WDR26: variants seen among roughly 807,000 people sequenced by gnomAD.
WDR26 encodes WD repeat domain 26.
WDR26 carries 5 observed loss-of-function variants against 84.1 expected under a neutral mutation model. That is an observed-to-expected ratio of 0.06 (90% CI 0.03 to 0.13). WDR26 has a LOEUF of 0.13. WDR26 is among the 10% of genes least tolerant of loss of function. WDR26 has a pLI of 1.00. For synonymous variants in WDR26, 415 were observed against 389.6 expected, an observed-to-expected ratio of 1.07 and a Z score of -0.77; for missense variants, 642 against 974.9, an observed-to-expected ratio of 0.66 and a Z score of 4.55.
Position 224,431,569 on chromosome 1 carries a change from G to A in WDR26, c.835C>T (p.Leu279=). 1 of 1,613,592 alleles carries A rather than the reference G, an allele frequency of 6.2e-7. No individual in the cohort carries two copies. The highest frequency in any genetic ancestry group is 8.5e-7 in the Non-Finnish European group (1 of 1,179,660). The stretch of plus-strand genomic sequence containing the variant: ...TGCACTAAAGGCTTTAGTTCATTCA[G>A]GTCATTTTCTGCCTGTAAAAATTGG... Residue 279 remains leucine (L), a synonymous_variant, in exon 3 of 14, where the codon CTG becomes TTG. Coordinates refer to ENST00000414423, the MANE Select transcript of WDR26 (RefSeq NM_001379403.1).
At chr1:224,401,671 C>CAAAAAAAAAAAAAAAAA (rs767368281) in intron 8 of WDR26, among the ~76,000 whole-genome samples, 69 of 49,624 alleles carry the variant, frequency 1.4e-3, no homozygotes, top group East Asian at 3.2e-3. Flanking sequence ...GAGACTGTCT[C>CAAAAAAAAAAAAAAAAA]AAAAAAAAAA....
At position 224,425,149 on chromosome 1, in the gene WDR26, G is replaced by A. The variant is rs532330272; in HGVS notation, c.928-495C>T. Among the ~76,000 whole-genome samples, 3 of 152,336 alleles carry A rather than the reference G, an allele frequency of 2.0e-5. No homozygotes were observed. The South Asian group carries it at 6.2e-4, about 32-fold the overall frequency. On this transcript the variant is annotated intron_variant, in intron 3 of 13. Transcript: ENST00000414423. ...GAGGGAATAAGTAGACCAGAAATCA[G>A]AACTAGACACACTCAGGAGAAGGAG... is the stretch of plus-strand genomic sequence containing the variant.
chr1:224,416,807 T>C (rs1344890179), intron 6 of WDR26, among the ~76,000 whole-genome samples: 1 of 152,240 alleles, frequency 6.6e-6, no homozygotes, highest in Non-Finnish European at 1.5e-5. Context: ...TTTAACACTG[T>C]TCTCAAATCT....
chr1:224,410,170 A>G (rs1031147605), intron 7 of WDR26, among the ~76,000 whole-genome samples: 7 of 150,534 alleles, frequency 4.7e-5, no homozygotes, highest in African/African-American at 1.7e-4. Context: ...AATCCCAGCT[A>G]CTCGGGAGGC....
chr1:224,391,325 T>G (rs1031411541), intron 13 of WDR26, among the ~76,000 whole-genome samples: 1 of 138,876 alleles, frequency 7.2e-6, no homozygotes, highest in African/African-American at 2.8e-5. Flanking sequence ...ATTGCGCCAT[T>G]GCACTCCAGC....
At position 224,434,335 on chromosome 1, in the gene WDR26, G is replaced by C. The variant is rs1386931794; in HGVS notation, c.71C>G (p.Ser24Cys). The change falls in exon 1 of 14, where the codon TCC becomes TGC. Residue 24 changes from serine to cysteine, a missense_variant. Transcript: ENST00000414423. ...TCGGGGTTTCTTCCGCGGGGGCGGG[G>C]AGGCTCCGCCGGTGTCCGAGTCGGA... The C allele has an allele frequency of 8.1e-7, 1 of 1,231,462 alleles. No individual in the cohort carries two copies. The highest frequency in any genetic ancestry group is 1.0e-6 in the Non-Finnish European group (1 of 988,006). The allele number at this position is 1,231,462 out of a possible 1,614,324, so 76.3% of individuals were successfully genotyped here.
chr1:224,434,277 C>T lies in WDR26; in HGVS notation c.129G>A (p.Gly43=). The change falls in exon 1 of 14, where the codon GGG becomes GGA. Residue 43 remains glycine, a synonymous_variant. Transcript: ENST00000414423. Reference sequence around the variant, plus strand: ...AGAGGCCTGCTCTGCCTGCCGAAGCCCCGGGCTCTCCTACTCCCTCCGCCG... The same window carrying T: ...AGAGGCCTGCTCTGCCTGCCGAAGCTCCGGGCTCTCCTACTCCCTCCGCCG... 7.8e-7 allele frequency: 1 copy of T among 1,278,224 alleles called. No homozygotes were observed. Among genetic ancestry groups the T allele is most frequent in the Non-Finnish European group, 9.9e-7 (1 of 1,013,806 alleles). 79.2% of individuals were successfully genotyped at this position (1,278,224 alleles called of 1,614,324 possible).
At chr1:224,427,911 C>A (rs1674273944) in intron 3 of WDR26, among the ~76,000 whole-genome samples, 1 of 151,992 alleles carries the variant, frequency 6.6e-6, no homozygotes, top group South Asian at 2.1e-4. Flanking sequence ...GAGATGGGGA[C>A]AGGGCTCTAC....
chr1:224,399,321 T>G (rs1673347747), intron 9 of WDR26, among the ~76,000 whole-genome samples: 1 of 152,180 alleles, frequency 6.6e-6, no homozygotes, highest in Non-Finnish European at 1.5e-5. Flanking sequence ...AAACAGTCCC[T>G]AAGTTCCAAG....
chr1:224,430,276 A>G (rs1288504174), intron 3 of WDR26: 1 of 152,270 alleles, frequency 6.6e-6, no homozygotes, highest in East Asian at 1.9e-4. Context: ...GAATTATTTT[A>G]TAAGTTAACT....
intron 3 of WDR26, among the ~76,000 whole-genome samples, chr1:224,424,973 G>A (rs1674168328): frequency 6.6e-6 from 1 of 152,146 alleles, no homozygotes; most frequent in Non-Finnish European, 1.5e-5. Context: ...TGTAGTTCTT[G>A]TATAAAAATT....
At chr1:224,428,741 A>AC (rs920234339) in intron 3 of WDR26, among the ~76,000 whole-genome samples, 2 of 131,956 alleles carry the variant, frequency 1.5e-5, no homozygotes, top group African/African-American at 6.7e-5. Context: ...TACTAAAAAT[A>AC]CAAAAAAAAA....
In WDR26 at chr1:224,434,192, C is replaced by A. The variant is rs1288906642; in HGVS notation, c.214G>T (p.Val72Leu). Residue 72 changes from valine (V) to leucine (L), a missense_variant, in exon 1 of 14, where the codon GTG (valine) becomes TTG (leucine). Transcript: ENST00000414423. ...GGGGCAGCAGCCGGGGGAAGTCCCA[C>A]CACTACCACCACGGAGGAGGAGGAG... The A allele has an allele frequency of 1.3e-4, 182 of 1,414,622 alleles. No homozygotes were observed. The highest frequency in any genetic ancestry group is 1.6e-4 in the Non-Finnish European group (174 of 1,090,404). 87.6% of individuals were successfully genotyped at this position (1,414,622 alleles called of 1,614,324 possible).
At chr1:224,405,622 C>G (rs1346268210) in intron 7 of WDR26, among the ~76,000 whole-genome samples, 1 of 152,180 alleles carries the variant, frequency 6.6e-6, no homozygotes, top group Non-Finnish European at 1.5e-5. Context: ...TAGAATATTA[C>G]CCCCTCTCAT....
At chr1:224,431,304 T>G in intron 3 of WDR26, 173 bp downstream of exon 3, 1 of 557,552 alleles carries the variant, frequency 1.8e-6, no homozygotes, top group Non-Finnish European at 3.2e-6. Flanking sequence ...CTAAGTATGA[T>G]TTTAAAGAAA....
rs1218651422 is a variant in WDR26 at position 224,433,887 on chromosome 1, G to A, written c.519C>T (p.Ser173=). ...CGGGAACCCCGTTATTGACATTCAG[G>A]CTGTTGCTATTGTTGCTGGCGGCGG... Residue 173 remains serine (S), a synonymous_variant, in exon 1 of 14, where the codon AGC becomes AGT. Transcript: ENST00000414423. 2 of 1,536,992 alleles carry A rather than the reference G, an allele frequency of 1.3e-6. No homozygotes were observed. The highest frequency in any genetic ancestry group is 8.7e-7 in the Non-Finnish European group (1 of 1,146,776).
At chr1:224,398,712 A>T (rs1341305445) in intron 10 of WDR26, 119 bp from the exon 11 acceptor site, 2 of 1,165,892 alleles carry the variant, frequency 1.7e-6, no homozygotes, top group African/African-American at 3.1e-5. Context: ...ACTATTACAT[A>T]CTATACTTCA....
chr1:224,426,039 G>A (rs1458544823), intron 3 of WDR26, among the ~76,000 whole-genome samples: 4 of 152,038 alleles, frequency 2.6e-5, no homozygotes, highest in Non-Finnish European at 4.4e-5. Context: ...TGTATTTTTA[G>A]TAGAGACAGG....
intron 3 of WDR26, chr1:224,429,761 T>C (rs1674333320): frequency 6.6e-6 from 1 of 152,220 alleles, no homozygotes; most frequent in Admixed American, 6.5e-5. Context: ...GATTCCTCCT[T>C]ATTATCTATA....
Sources: gnomAD v4.1 joint callset for allele counts (sites outside exome capture counted in the v4.1 genomes callset) on GRCh38, gnomAD v4.1.1 for gene constraint, MANE v1.5 for transcripts, NCBI Gene and HGNC (gene_info 2026-07-23, HGNC 2026-07-21) for gene names.